Variants in ARIH1 observed in about 807,000 individuals in gnomAD.
ARIH1 encodes the protein ariadne RBR E3 ubiquitin protein ligase 1.
ARIH1 carries 8 observed loss-of-function variants against 85.0 expected under a neutral mutation model. The ratio of observed to expected loss-of-function variants is 0.09; its 90% confidence interval spans 0.06 to 0.17. ARIH1 has a LOEUF of 0.17. Ranked by LOEUF, ARIH1 falls within the 10% of genes least tolerant of loss-of-function variation. The pLI is 1.00. For synonymous variants in ARIH1, 238 were observed against 253.6 expected, an observed-to-expected ratio of 0.94 and a Z score of 0.59; for missense variants, 311 against 718.1, an observed-to-expected ratio of 0.43 and a Z score of 6.48.
intron 7 of ARIH1, 116 bp from the exon 8 acceptor site, chr15:72,566,447 A>G (rs2064221502): frequency 1.2e-5 from 10 of 832,374 alleles, no homozygotes; most frequent in Non-Finnish European, 1.8e-5. Context: ...TGTATTTGCC[A>G]GTCACTAGAA....
intron 2 of ARIH1, among the ~76,000 whole-genome samples, chr15:72,540,426 A>G (rs537963237): frequency 1.3e-5 from 2 of 152,176 alleles, no homozygotes; most frequent in African/African-American, 2.4e-5. Context: ...GGCCACTCCT[A>G]GTAAAACTAA....
intron 5 of ARIH1, among the ~76,000 whole-genome samples, chr15:72,557,893 A>G (rs746251566): frequency 2.0e-5 from 3 of 152,162 alleles, no homozygotes; most frequent in Non-Finnish European, 4.4e-5. Context: ...TTGTACATTG[A>G]TTTTGTATCC....
intron 1 of ARIH1, among the ~76,000 whole-genome samples, chr15:72,501,622 A>G (rs1036260473): frequency 1.3e-5 from 2 of 152,232 alleles, no homozygotes; most frequent in Non-Finnish European, 2.9e-5. Context: ...TTGGTGGAAC[A>G]TTTTTAGTAT....
chr15:72,488,945 T>TA, intron 1 of ARIH1, among the ~76,000 whole-genome samples: 1 of 152,294 alleles, frequency 6.6e-6, no homozygotes, highest in Non-Finnish European at 1.5e-5. Context: ...GTGATGATGT[T>TA]AAAGACAGTG....
Position 72,494,735 on chromosome 15 carries a change from A to G in ARIH1, c.375+19721A>G, listed in dbSNP as rs186679610. On this transcript the variant is annotated intron_variant, in intron 1 of 13. Transcript: ENST00000379887. ...AAACTGGGAGAGTAGTGAGTAATCCATTAGAATAACCTGTGAAAGAAATGG... is the reference window on the plus strand; with the variant it reads ...AAACTGGGAGAGTAGTGAGTAATCCGTTAGAATAACCTGTGAAAGAAATGG... Among the ~76,000 whole-genome samples the G allele has an allele frequency of 4.6e-5, 7 of 152,118 alleles. No individual in the cohort carries two copies. In the East Asian group the frequency reaches 9.6e-4, roughly 21 times the overall value.
intron 2 of ARIH1, among the ~76,000 whole-genome samples, chr15:72,540,332 A>T (rs188054797): frequency 1.3e-5 from 2 of 151,992 alleles, no homozygotes; most frequent in East Asian, 3.9e-4. Context: ...GAGCTTTAGG[A>T]AGTTCTGACC....
At position 72,583,340 on chromosome 15, in the gene ARIH1, G is replaced by A; in HGVS notation, c.*48G>A. ...CTCTGAAAACTTTACCATCTAGAGT[G>A]CTCATGCAATTAAAACAAAACAAAC... On this transcript the variant is annotated 3_prime_UTR_variant, in exon 14 of 14. Transcript: ENST00000379887. 1 of 1,482,028 alleles carries A rather than the reference G, an allele frequency of 6.7e-7. No individual in the cohort carries two copies. Among genetic ancestry groups the A allele is most frequent in the South Asian group, 1.2e-5 (1 of 86,508 alleles). 91.8% of individuals were successfully genotyped at this position (1,482,028 alleles called of 1,614,324 possible).
At chr15:72,532,362 A>G (rs146020954) in intron 2 of ARIH1, among the ~76,000 whole-genome samples, 5 of 152,230 alleles carry the variant, frequency 3.3e-5, no homozygotes, top group African/African-American at 1.2e-4. Context: ...GAAATAGGCA[A>G]TTTCCCAAAA....
chr15:72,516,389 C>G (rs2063975155), intron 1 of ARIH1, among the ~76,000 whole-genome samples: 2 of 149,320 alleles, frequency 1.3e-5, no homozygotes, highest in African/African-American at 4.9e-5. Flanking sequence ...GTAGGCAAAT[C>G]CTCTTGTTAA....
chr15:72,518,028 T>C lies in ARIH1; in HGVS notation c.376-39T>C, dbSNP rs1042928497. The C allele has an allele frequency of 3.4e-6, 5 of 1,487,538 alleles. No homozygotes were observed. The African/African-American group carries it at 6.9e-5, about 21-fold the overall frequency. The allele number at this position is 1,487,538 out of a possible 1,614,324, so 92.1% of individuals were successfully genotyped here. A position where few individuals can be genotyped will look rare whatever the true frequency, so the allele number is the denominator to read the frequency against. ...AGTTCACTAAATGTCCATGAAGTGC[T>C]ATTACCTTAAAATGACTTTTTTTCC... On this transcript the variant is annotated intron_variant, in intron 1 of 13. Transcript: ENST00000379887.
chr15:72,479,089 C>T (rs1166385809), intron 1 of ARIH1, among the ~76,000 whole-genome samples: 1 of 152,072 alleles, frequency 6.6e-6, no homozygotes, highest in African/African-American at 2.4e-5. Flanking sequence ...GCTCCTTGAA[C>T]CTCAGCCTCT....
chr15:72,514,991 A>C (rs991996894), intron 1 of ARIH1, among the ~76,000 whole-genome samples: 1 of 152,124 alleles, frequency 6.6e-6, no homozygotes, highest in Non-Finnish European at 1.5e-5. Flanking sequence ...CATCAAAAAA[A>C]CAACAAAAAA....
Position 72,571,478 on chromosome 15 carries a change from C to G in ARIH1, c.1158-630C>G, listed in dbSNP as rs549091269. 1.2e-3 allele frequency among the ~76,000 whole-genome samples: 182 copies of G among 152,296 alleles called. 1 individual carries two copies. The highest frequency in any genetic ancestry group is 6.8e-3 in the Middle Eastern group (2 of 294). On this transcript the variant is annotated intron_variant, in intron 10 of 13. Coordinates refer to ENST00000379887, the MANE Select transcript of ARIH1 (RefSeq NM_005744.5). ...TATAGTAACCACTCCAGGGGAAGTG[C>G]AAGTCTTACTCATCTATGCTCTGAG... is the stretch of plus-strand genomic sequence containing the variant.
chr15:72,534,959 C>CTTTTTTATTTTTTTTTTTTTTTTTTTTT (rs2064074632), intron 2 of ARIH1, among the ~76,000 whole-genome samples: 1 of 73,806 alleles, frequency 1.4e-5, no homozygotes, highest in African/African-American at 2.9e-5. Flanking sequence ...TGTCTGTATT[C>CTTTTTTATTTTTTTTTTTTTTTTTTTTT]TTTTTTTTTT....
At chr15:72,580,606 T>G in intron 11 of ARIH1, 125 bp from the exon 12 acceptor site, 1 of 903,488 alleles carries the variant, frequency 1.1e-6, no homozygotes, top group Non-Finnish European at 1.6e-6. Flanking sequence ...ATCTTTCATC[T>G]TTTTGATAAA....
chr15:72,490,278 A>G (rs2063853894), intron 1 of ARIH1, among the ~76,000 whole-genome samples: 1 of 151,410 alleles, frequency 6.6e-6, no homozygotes, highest in South Asian at 2.1e-4. Flanking sequence ...CTTACAAGTT[A>G]GTCACCTTAC....
At chr15:72,566,632 TAA>T (rs2064222229) in intron 8 of ARIH1, 27 bp downstream of exon 8, 1 of 1,589,564 alleles carries the variant, frequency 6.3e-7, no homozygotes, top group Non-Finnish European at 8.6e-7. Flanking sequence ...TTTCAATTTT[TAA>T]ATAATGGCAC....
chr15:72,577,222 T>A, intron 11 of ARIH1, among the ~76,000 whole-genome samples: 1 of 151,842 alleles, frequency 6.6e-6, no homozygotes, highest in Non-Finnish European at 1.5e-5. Context: ...TGACCTCAGG[T>A]GATCCACCCA....
At chr15:72,492,467 G>A (rs8030499) in intron 1 of ARIH1, among the ~76,000 whole-genome samples, 103,556 of 152,098 alleles carry the variant, frequency 0.68, 41,476 homozygotes, top group South Asian at 0.88. Context: ...TACTAATGCC[G>A]TTTAACTTCA....
Sources: gnomAD v4.1 joint callset for allele counts (sites outside exome capture counted in the v4.1 genomes callset) on GRCh38, gnomAD v4.1.1 for gene constraint, MANE v1.5 for transcripts, NCBI Gene and HGNC (gene_info 2026-07-23, HGNC 2026-07-21) for gene names.